Variants in BAAT observed in about 807,000 individuals in gnomAD.
BAAT encodes bile acid-CoA:amino acid N-acyltransferase.
BAAT carries 13 observed loss-of-function variants against 18.9 expected under a neutral mutation model. The ratio of observed to expected loss-of-function variants is 0.69; its 90% CI spans 0.45 to 1.10. BAAT has a LOEUF of 1.10. Among genes scored for constraint, BAAT ranks in the 50% least tolerant of loss-of-function variants. The pLI, the probability that BAAT is intolerant of heterozygous loss-of-function variation, is 0.00. For synonymous variants in BAAT, 170 were observed against 190.7 expected (o/e 0.89, Z 0.89); for missense variants, 489 against 504.0 (o/e 0.97, Z 0.28).
At chr9:101,383,223 T>A (rs1359393773) in intron 1 of BAAT, among the ~76,000 whole-genome samples, 2 of 152,276 alleles carry the variant, frequency 1.3e-5, no homozygotes, top group East Asian at 1.9e-4. Context: ...CAGCTCAATA[T>A]CATCATAATA....
At chr9:101,370,238 T>C (rs891625536) in intron 2 of BAAT, among the ~76,000 whole-genome samples, 4 of 151,728 alleles carry the variant, frequency 2.6e-5, no homozygotes, top group Non-Finnish European at 4.4e-5. Context: ...AGTCAGATCA[T>C]AGAAAGTTTT....
chr9:101,379,756 T>C (rs1172662418), intron 1 of BAAT, among the ~76,000 whole-genome samples: 2 of 152,354 alleles, frequency 1.3e-5, no homozygotes, highest in East Asian at 3.9e-4. Flanking sequence ...AACCCGGTTT[T>C]AATTTTCTTC....
At chr9:101,370,446 C>G (rs1179721483) in intron 2 of BAAT, among the ~76,000 whole-genome samples, 2 of 149,978 alleles carry the variant, frequency 1.3e-5, no homozygotes, top group Non-Finnish European at 3.0e-5. Flanking sequence ...TGCTGAGTAG[C>G]TGGGACTACA....
chr9:101,373,370 G>A lies in BAAT; in HGVS notation c.-59-1907C>T, dbSNP rs543030403. 2.0e-5 allele frequency among the ~76,000 whole-genome samples: 3 copies of A among 152,300 alleles called. No homozygotes were observed. In the East Asian group the frequency reaches 5.8e-4, roughly 29 times the overall value. ...AGACTAGAATTTATTTTTAAATTCTGTGACTGACTTCCAAAAATCCCTTAT... is the reference window on the plus strand; with the variant it reads ...AGACTAGAATTTATTTTTAAATTCTATGACTGACTTCCAAAAATCCCTTAT... On this transcript the variant is annotated intron_variant, in intron 1 of 3. Coordinates refer to ENST00000259407, the MANE Select transcript of BAAT (RefSeq NM_001701.4).
intron 3 of BAAT, among the ~76,000 whole-genome samples, chr9:101,365,047 A>G (rs1588139142): frequency 6.6e-6 from 1 of 152,146 alleles, no homozygotes; most frequent in Non-Finnish European, 1.5e-5. Context: ...AGGAAACTAC[A>G]TGTTCATGAG....
chr9:101,373,636 G>T (rs1296322383), intron 1 of BAAT, among the ~76,000 whole-genome samples: 1 of 152,200 alleles, frequency 6.6e-6, no homozygotes, highest in East Asian at 1.9e-4. Flanking sequence ...CACCTACTTG[G>T]ATGTTTTTAA....
chr9:101,377,370 A>G (rs1465103180), intron 1 of BAAT, among the ~76,000 whole-genome samples: 1 of 152,190 alleles, frequency 6.6e-6, no homozygotes, highest in African/African-American at 2.4e-5. Flanking sequence ...CAATGTGGAG[A>G]CAGACTAATC....
chr9:101,378,208 C>T (rs1410663962), intron 1 of BAAT, among the ~76,000 whole-genome samples: 1 of 152,040 alleles, frequency 6.6e-6, no homozygotes, highest in Non-Finnish European at 1.5e-5. Flanking sequence ...CAATACTATT[C>T]ACAGAACTAG....
At chr9:101,382,157 T>A (rs1195236832) in intron 1 of BAAT, among the ~76,000 whole-genome samples, 2 of 152,128 alleles carry the variant, frequency 1.3e-5, no homozygotes, top group Admixed American at 6.5e-5. Flanking sequence ...CAGGTGATGG[T>A]CACTCTGCTT....
At chr9:101,381,310 C>T (rs894578604) in intron 1 of BAAT, among the ~76,000 whole-genome samples, 1 of 151,688 alleles carries the variant, frequency 6.6e-6, no homozygotes, top group Non-Finnish European at 1.5e-5. Context: ...CCGGTTGATC[C>T]CAGGAGGTTG....
chr9:101,367,094 G>C (rs929777278), intron 3 of BAAT, among the ~76,000 whole-genome samples: 3 of 125,576 alleles, frequency 2.4e-5, no homozygotes, highest in African/African-American at 9.5e-5. Flanking sequence ...CTAGGTGACA[G>C]AGCGAGACTC....
At chr9:101,369,635 G>A (rs570297605) in intron 2 of BAAT, among the ~76,000 whole-genome samples, 1 of 152,096 alleles carries the variant, frequency 6.6e-6, no homozygotes, top group South Asian at 2.1e-4. Context: ...TAACTGGGGT[G>A]GGATAATAGA....
intron 1 of BAAT, among the ~76,000 whole-genome samples, chr9:101,379,611 GA>G (rs1271786015): frequency 6.6e-6 from 1 of 152,102 alleles, no homozygotes; most frequent in Non-Finnish European, 1.5e-5. Flanking sequence ...GAGAAACTTA[GA>G]AAAAAATTGT....
chr9:101,361,278 G>C lies in BAAT; in HGVS notation c.*1150C>G, dbSNP rs1829717755. On this transcript the variant is annotated 3_prime_UTR_variant, in exon 4 of 4. Coordinates refer to ENST00000259407, the MANE Select transcript of BAAT (RefSeq NM_001701.4). ...ATATTCCTCAAGGATACTGCATTTG[G>C]ACATAATACAAATTGGCAGTTTGGA... is the stretch of plus-strand genomic sequence containing the variant. 1 of 154,070 alleles carries C rather than the reference G, an allele frequency of 6.5e-6. No individual in the cohort carries two copies. The highest frequency in any genetic ancestry group is 6.5e-5 in the Admixed American group (1 of 15,282). The allele number at this position is 154,070 out of a possible 1,614,324, so 9.5% of individuals were successfully genotyped here.
In BAAT at chr9:101,371,009, A is replaced by C; in HGVS notation, c.396T>G (p.Tyr132Ter). Reference protein sequence around the residue: ...PKASLTLERWYVAPGVTRIKV... With the variant: ...PKASLTLERW ...TAATTCGTGTGACACCAGGTGCCAC[A>C]TACCACCTCTCCAAAGTCAGGCTGG... The change falls in exon 2 of 4, where the codon TAT (tyrosine) becomes TAG (stop). Residue 132 changes from tyrosine (Y) to a stop codon, truncating the protein, a stop_gained. Coordinates refer to ENST00000259407, the MANE Select transcript of BAAT (RefSeq NM_001701.4). LOFTEE classifies it high-confidence loss of function. 1 of 1,614,140 alleles carries C rather than the reference A, an allele frequency of 6.2e-7. No individual in the cohort carries two copies. Among genetic ancestry groups the C allele is most frequent in the South Asian group, 1.1e-5 (1 of 91,082 alleles).
intron 2 of BAAT, among the ~76,000 whole-genome samples, chr9:101,368,945 CATTT>C (rs1214912823): frequency 7.9e-5 from 12 of 152,164 alleles, no homozygotes; most frequent in South Asian, 6.2e-4. Flanking sequence ...CTGCTACATT[CATTT>C]GACTATACAG....
Position 101,368,120 on chromosome 9 carries a change from C to T in BAAT, c.669G>A (p.Lys223=). The change falls in exon 3 of 4, where the codon AAG becomes AAA. Residue 223 remains lysine, a splice_region_variant and synonymous_variant. Transcript: ENST00000259407. ...EAANFLLRHP[K]VFGSGVGVVS... is the part of the protein sequence containing the mutation. Reference sequence around the variant, plus strand: ...AACCTACTGAAAAGACAAAAATTACCTTTGGATGTCTCAGGAGAAAGTTGG... The same window carrying T: ...AACCTACTGAAAAGACAAAAATTACTTTTGGATGTCTCAGGAGAAAGTTGG... The T allele has an allele frequency of 6.2e-7, 1 of 1,613,322 alleles. No homozygotes were observed. The highest frequency in any genetic ancestry group is 8.5e-7 in the Non-Finnish European group (1 of 1,179,308).
intron 3 of BAAT, among the ~76,000 whole-genome samples, chr9:101,365,180 T>C (rs979484614): frequency 6.6e-6 from 1 of 152,210 alleles, no homozygotes; most frequent in African/African-American, 2.4e-5. Context: ...CACTGGCTCC[T>C]GGCAAGGACA....
intron 1 of BAAT, among the ~76,000 whole-genome samples, chr9:101,378,359 T>C (rs1436040412): frequency 6.6e-6 from 1 of 152,136 alleles, no homozygotes; most frequent in Non-Finnish European, 1.5e-5. Context: ...CAAAACAGCA[T>C]GGTACTGGTA....
Sources: gnomAD v4.1 joint callset for allele counts (sites outside exome capture counted in the v4.1 genomes callset) on GRCh38, gnomAD v4.1.1 for gene constraint, MANE v1.5 for transcripts, NCBI Gene and HGNC (gene_info 2026-07-23, HGNC 2026-07-21) for gene names.